Variants in ZNF165 observed in about 807,000 individuals in gnomAD.
ZNF165 encodes the protein cancer/testis antigen 53.
Under a neutral mutation model 19.6 loss-of-function variants are expected in ZNF165, and 14 were observed. That is an observed-to-expected ratio of 0.71 (90% CI 0.47 to 1.12). The LOEUF (loss-of-function observed/expected upper bound fraction) is 1.12. Ranked by LOEUF, ZNF165 falls within the 50% of genes most tolerant of loss-of-function variation. The pLI is 0.00. For missense variants in ZNF165, 504 were observed against 566.3 expected, an observed-to-expected ratio of 0.89 and a Z score of 1.12; for synonymous variants, 165 against 195.0, an observed-to-expected ratio of 0.85 and a Z score of 1.28.
In ZNF165 at chr6:28,089,168, G is replaced by A. The variant is rs1185663236; in HGVS notation, c.1156G>A (p.Asp386Asn). The A allele has an allele frequency of 4.3e-6, 7 of 1,614,064 alleles. No individual in the cohort carries two copies. The highest frequency in any genetic ancestry group is 5.1e-6 in the Non-Finnish European group (6 of 1,180,028). Residue 386 changes from aspartate to asparagine, a missense_variant, in exon 4 of 4, where the codon GAT becomes AAT. Coordinates refer to ENST00000683778, the MANE Select transcript of ZNF165 (RefSeq NM_001376491.1). ...ECGKSFAESS[D>N]LTRHRRIHTG... is the part of the protein sequence containing the mutation. ...TGGGAAAAGCTTTGCAGAGAGCTCA[G>A]ATCTTACTAGACATCGGCGAATTCA... is the stretch of plus-strand genomic sequence containing the variant.
intron 1 of ZNF165, among the ~76,000 whole-genome samples, chr6:28,084,595 G>T (rs1471302313): frequency 2.0e-5 from 3 of 152,100 alleles, no homozygotes; most frequent in Admixed American, 6.5e-5. Flanking sequence ...GGAGGCGGAG[G>T]TTGCAGTGAG....
At position 28,086,182 on chromosome 6, in the gene ZNF165, A is replaced by G; in HGVS notation, c.422A>G (p.His141Arg). The change falls in exon 3 of 4, where the codon CAT (histidine) becomes CGT (arginine). Residue 141 changes from histidine to arginine, a missense_variant. His to Arg is a conservative substitution (Grantham distance 29). Coordinates refer to ENST00000683778, the MANE Select transcript of ZNF165 (RefSeq NM_001376491.1). ...TDEAVLQVQA[H>R]EHGQEIFQKK... ...CTTTATTTTTCTCAGGTTCAAGCCC[A>G]TGAACATGGACAAGAAATATTCCAG... The G allele has an allele frequency of 1.2e-6, 2 of 1,614,040 alleles. No individual in the cohort carries two copies. Among genetic ancestry groups the G allele is most frequent in the Non-Finnish European group, 8.5e-7 (1 of 1,179,968 alleles).
At chr6:28,085,436 G>A (rs1312627204) in intron 1 of ZNF165, 45 bp from the exon 2 acceptor site, 1 of 1,574,942 alleles carries the variant, frequency 6.3e-7, no homozygotes, top group Admixed American at 2.1e-5. Flanking sequence ...TGAAACTAAA[G>A]AAGACCCTTT....
At chr6:28,082,666 C>T (rs919541155) in intron 1 of ZNF165, among the ~76,000 whole-genome samples, 3 of 152,194 alleles carry the variant, frequency 2.0e-5, no homozygotes, top group Non-Finnish European at 4.4e-5. Context: ...CCAGCGTGGG[C>T]GTCAAGGCCA....
chr6:28,088,923 A>G lies in ZNF165; in HGVS notation c.911A>G (p.Asn304Ser), dbSNP rs1361273975. 4 of 1,614,164 alleles carry G rather than the reference A, an allele frequency of 2.5e-6. No individual in the cohort carries two copies. The highest frequency in any genetic ancestry group is 2.2e-5 in the South Asian group (2 of 91,082). Residue 304 changes from asparagine (N) to serine (S), a missense_variant, in exon 4 of 4, where the codon AAC becomes AGC. Coordinates refer to ENST00000683778, the MANE Select transcript of ZNF165 (RefSeq NM_001376491.1). ...HGTCDQSFKW[N>S]SDFINHQIIY... ...ACCTGTGACCAGAGCTTCAAATGGA[A>G]CTCAGATTTTATTAACCATCAAATA... is the stretch of plus-strand genomic sequence containing the variant.
At chr6:28,080,316 G>C (rs1764123449), upstream of ZNF165, among the ~76,000 whole-genome samples, 1 of 152,106 alleles carries the variant, frequency 6.6e-6, no homozygotes, top group Admixed American at 6.5e-5. Context: ...TCCGTGAGAC[G>C]CACCCTTCTA....
At chr6:28,082,657 C>A (rs976750116) in intron 1 of ZNF165, among the ~76,000 whole-genome samples, 14 of 152,332 alleles carry the variant, frequency 9.2e-5, no homozygotes, top group Admixed American at 8.5e-4. Context: ...GACAACCTTC[C>A]AGCGTGGGCG....
At chr6:28,082,338 C>T (rs988226431) in intron 1 of ZNF165, among the ~76,000 whole-genome samples, 1 of 152,142 alleles carries the variant, frequency 6.6e-6, no homozygotes, top group African/African-American at 2.4e-5. Flanking sequence ...GAGACCCTAA[C>T]CCAGTGGCGC....
Position 28,088,568 on chromosome 6 carries a change from GA to G in ZNF165, c.557del (p.Glu186GlyfsTer48), listed in dbSNP as rs774098562. The G allele has an allele frequency of 3.4e-5, 54 of 1,575,370 alleles. No individual in the cohort carries two copies. The South Asian group carries it at 5.6e-4, about 16-fold the overall frequency. On this transcript the variant is annotated frameshift_variant, in exon 4 of 4. Transcript: ENST00000683778. LOFTEE classifies it low-confidence loss of function (END_TRUNC). ...CCCTTTCTTTTTTATTTTAGATAAT[GA>G]GAGTGAAAACAGTAGATCCATGCCA... ...EPQLLWDCDN[E>X]SENSRSMPKL...
Position 28,088,074 on chromosome 6 carries a change from T to C in ZNF165, c.551-489T>C, listed in dbSNP as rs563183302. On this transcript the variant is annotated intron_variant, in intron 3 of 3. Transcript: ENST00000683778. ...CAGAATTTAGAAGACTGATTAACCA[T>C]GGAATATGAGGAAGAAATAGACAAT... Among the ~76,000 whole-genome samples the C allele has an allele frequency of 7.2e-5, 11 of 152,322 alleles. No homozygotes were observed. In the South Asian group the frequency reaches 1.7e-3, roughly 23 times the overall value.
intron 1 of ZNF165, among the ~76,000 whole-genome samples, chr6:28,084,325 A>C (rs975045405): frequency 3.9e-5 from 6 of 152,286 alleles, no homozygotes; most frequent in African/African-American, 1.2e-4. Context: ...GTGTTATTGC[A>C]TCAGTCAGTA....
intron 3 of ZNF165, among the ~76,000 whole-genome samples, chr6:28,088,082 G>A (rs1006788386): frequency 5.3e-5 from 8 of 152,226 alleles, no homozygotes; most frequent in African/African-American, 1.9e-4. Flanking sequence ...CATGGAATAT[G>A]AGGAAGAAAT....
chr6:28,086,638 G>T (rs545388613), intron 3 of ZNF165, among the ~76,000 whole-genome samples: 1 of 152,284 alleles, frequency 6.6e-6, no homozygotes, highest in East Asian at 1.9e-4. Flanking sequence ...GAACCTGGGA[G>T]GCGGAGCTTG....
At chr6:28,086,070 C>A in intron 2 of ZNF165, 102 bp from the exon 3 acceptor site, 1 of 1,526,016 alleles carries the variant, frequency 6.6e-7, no homozygotes, top group Non-Finnish European at 8.8e-7. Context: ...CTCGATTCTT[C>A]CTTCCCCAGT....
chr6:28,088,553 T>A lies in ZNF165; in HGVS notation c.551-10T>A. ...AAACAGGTAATATTTCCCTTTCTTTTTTATTTTAGATAATGAGAGTGAAAA... is the reference window on the plus strand; with the variant it reads ...AAACAGGTAATATTTCCCTTTCTTTATTATTTTAGATAATGAGAGTGAAAA... On this transcript the variant is annotated splice_polypyrimidine_tract_variant and intron_variant, in intron 3 of 3. Coordinates refer to ENST00000683778, the MANE Select transcript of ZNF165 (RefSeq NM_001376491.1). The A allele has an allele frequency of 1.3e-6, 2 of 1,564,950 alleles. No individual in the cohort carries two copies. The highest frequency in any genetic ancestry group is 1.7e-6 in the Non-Finnish European group (2 of 1,161,356).
At chr6:28,080,435 T>C (rs991021270), upstream of ZNF165, among the ~76,000 whole-genome samples, 4 of 151,968 alleles carry the variant, frequency 2.6e-5, no homozygotes, top group Non-Finnish European at 5.9e-5. Context: ...TGGAGTGCAG[T>C]GGCGCGGTCT....
chr6:28,088,789 C>T lies in ZNF165; in HGVS notation c.777C>T (p.Leu259=). 3.1e-6 allele frequency: 5 copies of T among 1,614,148 alleles called. No individual in the cohort carries two copies. The highest frequency in any genetic ancestry group is 2.5e-6 in the Non-Finnish European group (3 of 1,180,034). ...SAQDEGFGKI[L]THKNTVRGEI... ...AGGATGAAGGTTTTGGTAAAATCCTCACCCACAAAAATACAGTCAGAGGTG... is the reference window on the plus strand; with the variant it reads ...AGGATGAAGGTTTTGGTAAAATCCTTACCCACAAAAATACAGTCAGAGGTG... The change falls in exon 4 of 4, where the codon CTC becomes CTT. Residue 259 remains leucine (L), a synonymous_variant. Coordinates refer to ENST00000683778, the MANE Select transcript of ZNF165 (RefSeq NM_001376491.1).
At position 28,086,829 on chromosome 6, in the gene ZNF165, A is replaced by T. The variant is rs80014850; in HGVS notation, c.550+519A>T. Among the ~76,000 whole-genome samples the T allele has an allele frequency of 1.8e-3, 271 of 152,350 alleles. 4 individuals are homozygous for T. In the East Asian group the frequency reaches 0.038, roughly 21 times the overall value. ...TTCCAAAACACAGAACATTTTTATG[A>T]TATGACCAAATTAAAGGAAATAAAA... On this transcript the variant is annotated intron_variant, in intron 3 of 3. Transcript: ENST00000683778.
At chr6:28,084,546 C>G (rs1000604228) in intron 1 of ZNF165, among the ~76,000 whole-genome samples, 1 of 152,052 alleles carries the variant, frequency 6.6e-6, no homozygotes, top group African/African-American at 2.4e-5. Flanking sequence ...GAAATCCTAG[C>G]TACTCAGGAG....
Sources: allele counts gnomAD v4.1 joint callset (sites outside exome capture counted in the v4.1 genomes callset), GRCh38; gene constraint gnomAD v4.1.1; transcripts MANE v1.5; gene names NCBI Gene and HGNC (gene_info 2026-07-23, HGNC 2026-07-21).